The following BCL7B variants were observed in gnomAD, a reference collection of about 807,000 sequenced individuals.
BCL7B encodes the protein BAF chromatin remodeling complex subunit BCL7B.
BCL7B carries 11 observed loss-of-function variants against 26.5 expected under a neutral mutation model. The ratio of observed to expected loss-of-function variants is 0.42; its 90% CI spans 0.26 to 0.69. The LOEUF is 0.69. Among genes scored for constraint, BCL7B ranks in the 30% least tolerant of loss-of-function variants. BCL7B has a pLI of 0.28. For missense variants in BCL7B, 215 were observed against 264.4 expected (o/e 0.81, Z 1.30); for synonymous variants, 111 against 107.9 (o/e 1.03, Z -0.18).
chr7:73,556,952 G>A (rs1554584783), intron 1 of BCL7B: 13 of 989,762 alleles, frequency 1.3e-5, no homozygotes, highest in Admixed American at 6.1e-5. Context: ...TCGCGGCGCA[G>A]GGGCCGGTTA....
At chr7:73,543,494 G>A (rs1791846529) in intron 3 of BCL7B, 54 bp downstream of exon 3, 3 of 1,509,308 alleles carry the variant, frequency 2.0e-6, no homozygotes, top group Non-Finnish European at 2.8e-6. Flanking sequence ...TCTTATTAAT[G>A]CATTCATCCA....
chr7:73,542,688 G>C (rs1791810707), intron 3 of BCL7B: 1 of 192,628 alleles, frequency 5.2e-6, no homozygotes, highest in South Asian at 8.3e-5. Context: ...CATGACTACG[G>C]TGATGATCCG....
chr7:73,553,699 T>A (rs1792262193), intron 1 of BCL7B: 1 of 154,216 alleles, frequency 6.5e-6, no homozygotes, highest in African/African-American at 2.4e-5. Context: ...AAAACTAGTC[T>A]AAAGAAATTT....
In BCL7B at chr7:73,546,602, A is replaced by C. The variant is rs893157321; in HGVS notation, c.169-2958T>G. 2.6e-5 allele frequency among the ~76,000 whole-genome samples: 4 copies of C among 151,940 alleles called. No homozygotes were observed. The South Asian group carries it at 8.3e-4, about 32-fold the overall frequency. On this transcript the variant is annotated intron_variant, in intron 2 of 5. Transcript: ENST00000223368. ...AGAATCATTTGAACCTGCAAAGTGGAGGCTGCAGTGAGATGAGATCATGCC... is the reference window on the plus strand; with the variant it reads ...AGAATCATTTGAACCTGCAAAGTGGCGGCTGCAGTGAGATGAGATCATGCC...
intron 2 of BCL7B, among the ~76,000 whole-genome samples, chr7:73,550,145 C>G (rs1401759959): frequency 1.3e-5 from 2 of 152,130 alleles, no homozygotes; most frequent in Non-Finnish European, 2.9e-5. Flanking sequence ...GGGTATTTAT[C>G]ACCCAGAAAA....
In BCL7B at chr7:73,537,293, TG is replaced by T; in HGVS notation, c.*4del. 6.2e-7 allele frequency: 1 copy of T among 1,613,778 alleles called. No individual in the cohort carries two copies. Among genetic ancestry groups the T allele is most frequent in the Non-Finnish European group, 8.5e-7 (1 of 1,179,786 alleles). ...AGGGCCAGGAGGCGGAGGGCCGGGA[TG>T]GTGCTAGCTTTCTGACGCCGTCTGC... On this transcript the variant is annotated 3_prime_UTR_variant, in exon 6 of 6. Coordinates refer to ENST00000223368, the MANE Select transcript of BCL7B (RefSeq NM_001707.4).
Position 73,537,180 on chromosome 7 carries a change from G to T in BCL7B, c.*118C>A. ...CCTACGCCAGCCTTCCAGCCCGGAA[G>T]GCTCATGTGTGCAGGCTCTTGACCC... On this transcript the variant is annotated 3_prime_UTR_variant, in exon 6 of 6. Coordinates refer to ENST00000223368, the MANE Select transcript of BCL7B (RefSeq NM_001707.4). 1 of 891,198 alleles carries T rather than the reference G, an allele frequency of 1.1e-6. No homozygotes were observed. 55.2% of individuals were successfully genotyped at this position (891,198 alleles called of 1,614,324 possible).
At chr7:73,546,258 A>G (rs575869631) in intron 2 of BCL7B, among the ~76,000 whole-genome samples, 3 of 152,280 alleles carry the variant, frequency 2.0e-5, no homozygotes, top group South Asian at 2.1e-4. Context: ...CATAAAACTC[A>G]CCAGAGATTG....
chr7:73,540,086 G>A lies in BCL7B; in HGVS notation c.266-34C>T, dbSNP rs191475868. ...CAAACAGAACAAAGGCAGCAGCTGAGCGTGGTCATTTTCCTCAAGAGGAAC... is the reference window on the plus strand; with the variant it reads ...CAAACAGAACAAAGGCAGCAGCTGAACGTGGTCATTTTCCTCAAGAGGAAC... On this transcript the variant is annotated intron_variant, in intron 3 of 5. Transcript: ENST00000223368. The A allele has an allele frequency of 1.5e-4, 240 of 1,598,476 alleles. 2 individuals carry two copies. The African/African-American group carries it at 2.4e-3, about 16-fold the overall frequency.
rs370472556 is a variant in BCL7B at position 73,555,601 on chromosome 7, G to A, written c.92+1886C>T. On this transcript the variant is annotated intron_variant, in intron 1 of 5. Coordinates refer to ENST00000223368, the MANE Select transcript of BCL7B (RefSeq NM_001707.4). ...AGAAGAATGCCAGGCGGCAGGAAGA[G>A]CAGAGTGACTTCATTGGTAAGACAG... Among the ~76,000 whole-genome samples, 34 of 152,250 alleles carry A rather than the reference G, an allele frequency of 2.2e-4. No individual in the cohort carries two copies. The East Asian group carries it at 3.1e-3, about 14-fold the overall frequency.
At position 73,557,548 on chromosome 7, in the gene BCL7B, G is replaced by A; in HGVS notation, c.31C>T (p.Arg11Cys). The change falls in exon 1 of 6, where the codon CGC becomes TGC. Residue 11 changes from arginine (R) to cysteine (C), a missense_variant. By Grantham distance (180) the Arg-to-Cys change is radical (BLOSUM62 -3). Transcript: ENST00000223368. MSGRSVRAETRSRAKDDIKKV... is the reference protein window; with the variant it reads MSGRSVRAETCSRAKDDIKKV... ...TTGATGTCGTCCTTGGCCCGGCTGC[G>A]GGTCTCCGCCCGGACCGACCGGCCC... The A allele has an allele frequency of 7.0e-7, 1 of 1,432,222 alleles. No homozygotes were observed. The highest frequency in any genetic ancestry group is 9.2e-7 in the Non-Finnish European group (1 of 1,081,684). The allele number at this position is 1,432,222 out of a possible 1,614,324, so 88.7% of individuals were successfully genotyped here.
intron 1 of BCL7B, chr7:73,553,679 A>G (rs1554584419): frequency 6.5e-6 from 1 of 154,508 alleles, no homozygotes; most frequent in Non-Finnish European, 1.5e-5. Flanking sequence ...TCTCAAAAAA[A>G]AAAAGAAAGA....
intron 1 of BCL7B, among the ~76,000 whole-genome samples, 160 bp from the exon 2 acceptor site, chr7:73,552,402 C>T (rs1285952963): frequency 6.6e-6 from 1 of 151,900 alleles, no homozygotes; most frequent in African/African-American, 2.4e-5. Context: ...AATCCCAGCA[C>T]TTTGAGAGGC....
At position 73,557,552 on chromosome 7, in the gene BCL7B, C is replaced by A; in HGVS notation, c.27G>T (p.Glu9Asp). ...TGTCGTCCTTGGCCCGGCTGCGGGT[C>A]TCCGCCCGGACCGACCGGCCCGACA... MSGRSVRA[E>D]TRSRAKDDIK... The change falls in exon 1 of 6, where the codon GAG (glutamate) becomes GAT (aspartate). Residue 9 changes from glutamate to aspartate, a missense_variant. Transcript: ENST00000223368. 2.8e-6 allele frequency: 4 copies of A among 1,426,814 alleles called. No homozygotes were observed. Among genetic ancestry groups the A allele is most frequent in the Non-Finnish European group, 3.7e-6 (4 of 1,078,776 alleles). The allele number at this position is 1,426,814 out of a possible 1,614,324, so 88.4% of individuals were successfully genotyped here. A position where few individuals can be genotyped will look rare whatever the true frequency, so the allele number is the denominator to read the frequency against.
chr7:73,546,313 G>A (rs1390566177), intron 2 of BCL7B, among the ~76,000 whole-genome samples: 3 of 152,174 alleles, frequency 2.0e-5, no homozygotes, highest in African/African-American at 7.2e-5. Flanking sequence ...TGTACCAGAA[G>A]GAGCAGAATA....
At chr7:73,546,939 C>T (rs10269156) in intron 2 of BCL7B, among the ~76,000 whole-genome samples, 1 of 143,514 alleles carries the variant, frequency 7.0e-6, no homozygotes, top group African/African-American at 2.6e-5. Context: ...CCAAGGCGGG[C>T]GGATCACCTA....
intron 1 of BCL7B, among the ~76,000 whole-genome samples, chr7:73,556,088 T>A (rs1324631514): frequency 6.6e-6 from 1 of 152,168 alleles, no homozygotes; most frequent in African/African-American, 2.4e-5. Flanking sequence ...AAGGTGTACC[T>A]GTTCTTAGGT....
At chr7:73,548,566 G>A (rs540049992) in intron 2 of BCL7B, among the ~76,000 whole-genome samples, 1 of 152,082 alleles carries the variant, frequency 6.6e-6, no homozygotes, top group East Asian at 1.9e-4. Context: ...GAAGTAAACC[G>A]AGATTACATC....
intron 1 of BCL7B, among the ~76,000 whole-genome samples, chr7:73,552,924 CTTTG>C (rs1255013470): frequency 5.9e-5 from 9 of 152,018 alleles, no homozygotes; most frequent in Admixed American, 1.3e-4. Context: ...CATTCCTTTT[CTTTG>C]TTTGTTTTAG....
Sources: gnomAD v4.1 joint callset for allele counts (sites outside exome capture counted in the v4.1 genomes callset) on GRCh38, gnomAD v4.1.1 for gene constraint, MANE v1.5 for transcripts, NCBI Gene and HGNC (gene_info 2026-07-23, HGNC 2026-07-21) for gene names.